Variants in STARD13 observed in about 807,000 individuals in gnomAD.
The protein encoded by STARD13 is stAR-related lipid transfer protein 13.
In STARD13, 62 loss-of-function variants were observed where a neutral mutation model predicts 106.4. The observed-to-expected ratio is 0.58, with a 90% CI of 0.48 to 0.72. The LOEUF is 0.72. Ranked by LOEUF, STARD13 falls within the 30% of genes least tolerant of loss-of-function variation. The pLI is 0.00. For synonymous variants in STARD13, 565 were observed against 553.0 expected, an observed-to-expected ratio of 1.02 and a Z score of -0.31; for missense variants, 1,387 against 1,424.0, an observed-to-expected ratio of 0.97 and a Z score of 0.42.
chr13:33,107,262 A>G (rs906197962), intron 12 of STARD13, among the ~76,000 whole-genome samples: 2 of 152,126 alleles, frequency 1.3e-5, no homozygotes, highest in African/African-American at 4.8e-5. Flanking sequence ...ATTAGAACTC[A>G]CTCATTCGAT....
At chr13:33,528,758 T>A in the STARD13 span, among the ~76,000 whole-genome samples, 4 of 152,134 alleles carry the variant, frequency 2.6e-5, no homozygotes, top group Non-Finnish European at 5.9e-5. Context: ...ATTTCTTTTT[T>A]TCATCATAGT....
the STARD13 span, among the ~76,000 whole-genome samples, chr13:33,584,582 G>A: frequency 1.3e-5 from 2 of 152,194 alleles, no homozygotes; most frequent in African/African-American, 4.8e-5. Context: ...ATATCTCATT[G>A]TGGTTTTGAT....
At chr13:33,341,727 C>T (rs1170594383) in intron 1 of STARD13, among the ~76,000 whole-genome samples, 3 of 152,126 alleles carry the variant, frequency 2.0e-5, no homozygotes, top group East Asian at 1.9e-4. Context: ...CGCTGTATTG[C>T]CCCCCAGGGT....
the STARD13 span, among the ~76,000 whole-genome samples, chr13:33,495,999 T>C: frequency 7.0e-6 from 1 of 141,904 alleles, no homozygotes; most frequent in African/African-American, 2.5e-5. Context: ...TGAATATAAA[T>C]TATTATAATT....
chr13:33,385,907 AG>A, the STARD13 span, among the ~76,000 whole-genome samples: 2 of 151,960 alleles, frequency 1.3e-5, no homozygotes, highest in African/African-American at 4.8e-5. Flanking sequence ...AAATTTAAAA[AG>A]CTTAAACTTA....
the STARD13 span, among the ~76,000 whole-genome samples, chr13:33,489,000 G>A: frequency 2.5e-4 from 38 of 152,298 alleles, no homozygotes; most frequent in Admixed American, 2.4e-3. Context: ...CCTGCTGACT[G>A]GACTTGGTCT....
At chr13:33,446,090 C>T in the STARD13 span, among the ~76,000 whole-genome samples, 1 of 151,878 alleles carries the variant, frequency 6.6e-6, no homozygotes, top group Non-Finnish European at 1.5e-5. Flanking sequence ...ATTGCAGAGT[C>T]ATTTTGACAA....
intron 1 of STARD13, among the ~76,000 whole-genome samples, chr13:33,224,106 G>C (rs970202720): frequency 6.6e-6 from 1 of 152,230 alleles, no homozygotes; most frequent in East Asian, 1.9e-4. Context: ...TTGAATCCCT[G>C]GTAGGGAGAA....
chr13:33,477,262 G>C, the STARD13 span, among the ~76,000 whole-genome samples: 5 of 152,148 alleles, frequency 3.3e-5, no homozygotes, highest in Admixed American at 2.0e-4. Context: ...TGCTTAAAGG[G>C]TTTTCAGGGT....
At chr13:33,669,538 T>G in the STARD13 span, among the ~76,000 whole-genome samples, 1 of 146,138 alleles carries the variant, frequency 6.8e-6, no homozygotes, top group Non-Finnish European at 1.5e-5. Flanking sequence ...TTCTTTTTTT[T>G]TTTTTTTTTT....
At chr13:33,325,867 C>A (rs1207075300) in intron 1 of STARD13, among the ~76,000 whole-genome samples, 3 of 152,058 alleles carry the variant, frequency 2.0e-5, no homozygotes, top group Non-Finnish European at 2.9e-5. Flanking sequence ...CGCCTGTAGT[C>A]CCAGCTACTT....
At chr13:33,408,960 T>C in the STARD13 span, among the ~76,000 whole-genome samples, 25 of 151,914 alleles carry the variant, frequency 1.6e-4, no homozygotes, top group African/African-American at 5.8e-4. Flanking sequence ...CGAACCAGCC[T>C]CCACCAAGAG....
chr13:33,243,657 G>A (rs192598814), intron 1 of STARD13, among the ~76,000 whole-genome samples: 7 of 152,260 alleles, frequency 4.6e-5, no homozygotes, highest in South Asian at 2.1e-4. Flanking sequence ...ATGGTGTCCC[G>A]GACTCAGCAG....
At chr13:33,146,694 G>T (rs577717704) in intron 3 of STARD13, among the ~76,000 whole-genome samples, 178 of 152,308 alleles carry the variant, frequency 1.2e-3, no homozygotes, top group African/African-American at 4.2e-3. Flanking sequence ...ATCAACAAAA[G>T]TACTGGCAGA....
intron 1 of STARD13, among the ~76,000 whole-genome samples, chr13:33,326,896 T>G (rs1006108705): frequency 2.0e-5 from 3 of 152,236 alleles, no homozygotes; most frequent in Admixed American, 2.0e-4. Context: ...TTCTTCCATC[T>G]TGGACACTTC....
intron 1 of STARD13, among the ~76,000 whole-genome samples, chr13:33,301,883 T>C (rs1035291141): frequency 3.8e-5 from 3 of 79,248 alleles, no homozygotes; most frequent in African/African-American, 9.9e-5. Context: ...CTTGAGTTTC[T>C]TTTTTTAGAA....
At position 33,200,943 on chromosome 13, in the gene STARD13, G is replaced by A. The variant is rs549979003; in HGVS notation, c.170-33321C>T. On this transcript the variant is annotated intron_variant, in intron 1 of 13. Coordinates refer to ENST00000336934, the MANE Select transcript of STARD13 (RefSeq NM_178006.4). ...CGGGAGGCTGAGGCGGGAGAATGGC[G>A]TGAACCCAGGAGGCGGAGCTTGCAG... Among the ~76,000 whole-genome samples, 48 of 152,090 alleles carry A rather than the reference G, an allele frequency of 3.2e-4. No individual in the cohort carries two copies. In the Middle Eastern group the frequency reaches 0.01, roughly 32 times the overall value.
At chr13:33,400,881 T>C in the STARD13 span, among the ~76,000 whole-genome samples, 13 of 152,052 alleles carry the variant, frequency 8.5e-5, no homozygotes, top group South Asian at 1.9e-3. Context: ...ATAAAATTGG[T>C]TTTTAAAAAA....
chr13:33,349,003 CTGA>C, exon 2 of STARD13: 1 of 635,044 alleles, frequency 1.6e-6, no homozygotes, highest in Non-Finnish European at 2.9e-6. Context: ...TGCTTTCAGG[CTGA>C]TGAGGATGTG....
Sources: gnomAD v4.1 joint callset for allele counts (sites outside exome capture counted in the v4.1 genomes callset) on GRCh38, gnomAD v4.1.1 for gene constraint, MANE v1.5 for transcripts, NCBI Gene and HGNC (gene_info 2026-07-23, HGNC 2026-07-21) for gene names.